The following SERINC2 variants were observed in gnomAD, a reference collection of about 807,000 sequenced individuals.
SERINC2 encodes the protein serine incorporator 2, also known as tumor differentially expressed protein 2.
In SERINC2, 56 loss-of-function variants were observed where a neutral mutation model predicts 54.2. That is an observed-to-expected ratio of 1.03 (90% CI 0.83 to 1.29). SERINC2 has a LOEUF of 1.29. SERINC2 is among the 50% of genes most tolerant of loss of function. The pLI is 0.00. For synonymous variants in SERINC2, 272 were observed against 253.1 expected, an observed-to-expected ratio of 1.07 and a Z score of -0.71; for missense variants, 614 against 607.4, an observed-to-expected ratio of 1.01 and a Z score of -0.12.
intron 1 of SERINC2, among the ~76,000 whole-genome samples, chr1:31,417,852 C>CT (rs3050463): frequency 0.44 from 41,452 of 93,382 alleles, 11,392 homozygotes; most frequent in Non-Finnish European, 0.55. Context: ...AAATTTCATT[C>CT]TTTTTTTTTT....
rs150922657 is a variant in SERINC2, at chr1:31,426,694, C to T, written c.651C>T (p.Ile217=). ...FFTLLFYLLS[I]AAVALMFMYY... The stretch of plus-strand genomic sequence containing the variant: ...CTCTCCTCTTCTACTTGCTGTCGAT[C>T]GCGGCCGTGGCGCTGATGTTCATGT... Residue 217 remains isoleucine (I), a synonymous_variant, in exon 6 of 10, where the codon ATC becomes ATT. Transcript: ENST00000373709. The T allele has an allele frequency of 2.1e-4, 343 of 1,613,262 alleles. No homozygotes were observed. The African/African-American group carries it at 3.0e-3, about 14-fold the overall frequency.
intron 1 of SERINC2, among the ~76,000 whole-genome samples, chr1:31,422,370 G>A (rs1640924743): frequency 6.6e-6 from 1 of 151,882 alleles, no homozygotes; most frequent in Non-Finnish European, 1.5e-5. Context: ...TCGCTATGCT[G>A]CCCAGGCTAT....
chr1:31,432,446 G>A (rs1450852710), intron 8 of SERINC2, among the ~76,000 whole-genome samples: 1 of 152,066 alleles, frequency 6.6e-6, no homozygotes, highest in Non-Finnish European at 1.5e-5. Context: ...GTGTAAGCAT[G>A]AAGGAAAGGG....
chr1:31,424,594 C>T (rs1640982837), intron 2 of SERINC2, 89 bp from the exon 3 acceptor site: 1 of 1,181,042 alleles, frequency 8.5e-7, no homozygotes, highest in African/African-American at 1.6e-5. Context: ...CCTGGCCGGC[C>T]TTGGGAGACC....
upstream of SERINC2, chr1:31,410,453 T>C: frequency 6.5e-7 from 1 of 1,550,186 alleles, no homozygotes; most frequent in South Asian, 1.2e-5. Context: ...ATGCCTTCCA[T>C]GCTGGGCGTG....
chr1:31,414,344 C>G (rs1311954331), intron 1 of SERINC2: 6 of 1,279,502 alleles, frequency 4.7e-6, no homozygotes, highest in Non-Finnish European at 3.9e-6. Context: ...TGGCCCCACA[C>G]AAAGAGGCCC....
At chr1:31,430,813 T>C (rs2148525751) in intron 8 of SERINC2, among the ~76,000 whole-genome samples, 1 of 152,300 alleles carries the variant, frequency 6.6e-6, no homozygotes. Context: ...TGGCCCTGCA[T>C]TTCTCCAAGC....
At chr1:31,420,387 G>A (rs1375195926) in intron 1 of SERINC2, among the ~76,000 whole-genome samples, 5 of 152,120 alleles carry the variant, frequency 3.3e-5, no homozygotes, top group African/African-American at 7.2e-5. Flanking sequence ...CTCTGAAAGC[G>A]GAACAGCTTT....
intron 1 of SERINC2, among the ~76,000 whole-genome samples, chr1:31,421,564 G>C (rs868954974): frequency 2.0e-5 from 3 of 152,204 alleles, no homozygotes; most frequent in African/African-American, 7.2e-5. Flanking sequence ...AGCATTTCTA[G>C]TTTGGGGGAG....
intron 1 of SERINC2, chr1:31,414,368 G>A (rs1640723842): frequency 1.1e-5 from 14 of 1,262,942 alleles, no homozygotes; most frequent in African/African-American, 1.6e-5. Context: ...GAGGGAGAAG[G>A]GGCTGCAGCG....
At position 31,434,232 on chromosome 1, in the gene SERINC2, T is replaced by TGGTGCCTCTC; in HGVS notation, c.*34_*35insGTGCCTCTCG. ...TCACAGCCTGCCATCTGGTGCCTCC[T>TGGTGCCTCTC]GCCACCTGGTGCCTCTCGGCTCAGT... On this transcript the variant is annotated 3_prime_UTR_variant, in exon 10 of 10. Transcript: ENST00000373709. The TGGTGCCTCTC allele has an allele frequency of 6.2e-7, 1 of 1,601,316 alleles. No individual in the cohort carries two copies. Among genetic ancestry groups the TGGTGCCTCTC allele is most frequent in the Non-Finnish European group, 8.5e-7 (1 of 1,174,816 alleles).
intron 8 of SERINC2, among the ~76,000 whole-genome samples, chr1:31,432,427 C>CT (rs1252354559): frequency 6.6e-6 from 1 of 152,122 alleles, no homozygotes; most frequent in Admixed American, 6.5e-5. Flanking sequence ...TACTGTTGTT[C>CT]TTTTTTTAGT....
At chr1:31,420,039 A>G (rs1368033042) in intron 1 of SERINC2, among the ~76,000 whole-genome samples, 2 of 152,094 alleles carry the variant, frequency 1.3e-5, no homozygotes, top group Non-Finnish European at 2.9e-5. Context: ...TTTTCCTATT[A>G]TGATCAGTGC....
chr1:31,430,567 AG>A (rs1450670511), intron 8 of SERINC2, among the ~76,000 whole-genome samples: 1 of 152,108 alleles, frequency 6.6e-6, no homozygotes, highest in African/African-American at 2.4e-5. Context: ...GTGACTGAGG[AG>A]GCCGAGGTAG....
chr1:31,430,647 T>C (rs1219842755), intron 8 of SERINC2, among the ~76,000 whole-genome samples: 2 of 152,326 alleles, frequency 1.3e-5, no homozygotes. Flanking sequence ...TTGCATAATA[T>C]TGTGAACATT....
In SERINC2 at chr1:31,433,126, C is replaced by G; in HGVS notation, c.1173C>G (p.Phe391Leu). 6.2e-7 allele frequency: 1 copy of G among 1,613,792 alleles called. No homozygotes were observed. Among genetic ancestry groups the G allele is most frequent in the Non-Finnish European group, 8.5e-7 (1 of 1,180,016 alleles). The change falls in exon 9 of 10, where the codon TTC becomes TTG. Residue 391 changes from phenylalanine (F) to leucine (L), a missense_variant. Phe to Leu is a conservative substitution (Grantham distance 22). Transcript: ENST00000373709. ...GCGTCACCTACAGCTACTCCTTCTT[C>G]CACTTCTGCCTGGTGCTGGCCTCAC... ...QDGVTYSYSFFHFCLVLASLH... is the reference protein window; with the variant it reads ...QDGVTYSYSFLHFCLVLASLH...
intron 6 of SERINC2, among the ~76,000 whole-genome samples, chr1:31,428,631 A>G (rs368596178): frequency 7.2e-5 from 11 of 152,116 alleles, no homozygotes; most frequent in African/African-American, 2.7e-4. Flanking sequence ...AGCGACGGCA[A>G]AGGCCTTGTG....
In SERINC2 at chr1:31,413,945, G is replaced by T. The variant is rs1282358307; in HGVS notation, c.39+641G>T. Reference sequence around the variant, plus strand: ...CGGTCCCTTTACCGTCCTCAGTCTGGCTCGCGCTGCCTCTCAGGCACTTCC... The same window carrying T: ...CGGTCCCTTTACCGTCCTCAGTCTGTCTCGCGCTGCCTCTCAGGCACTTCC... On this transcript the variant is annotated intron_variant, in intron 1 of 9. Coordinates refer to ENST00000373709, the MANE Select transcript of SERINC2 (RefSeq NM_178865.5). The surrounding 1 kb of genome is among the most constrained non-coding windows in gnomAD (Gnocchi z 5.0). 2 of 1,525,854 alleles carry T rather than the reference G, an allele frequency of 1.3e-6. No individual in the cohort carries two copies. The highest frequency in any genetic ancestry group is 1.7e-6 in the Non-Finnish European group (2 of 1,142,972). 94.5% of individuals were successfully genotyped at this position (1,525,854 alleles called of 1,614,324 possible).
At chr1:31,412,803 C>T (rs1640674284), upstream of SERINC2, among the ~76,000 whole-genome samples, 1 of 152,200 alleles carries the variant, frequency 6.6e-6, no homozygotes, top group African/African-American at 2.4e-5. Context: ...GGTGCAGTGA[C>T]TTGCCGAAGT....
Sources: gnomAD v4.1 joint callset for allele counts (sites outside exome capture counted in the v4.1 genomes callset) on GRCh38, gnomAD v4.1.1 for gene constraint, Gnocchi (gnomAD v3.1) non-coding constraint, MANE v1.5 for transcripts, NCBI Gene and HGNC (gene_info 2026-07-23, HGNC 2026-07-21) for gene names.